Variants in HGF observed in about 807,000 individuals in gnomAD.
The protein encoded by HGF is fibroblast-derived tumor cytotoxic factor.
Under a neutral mutation model 111.6 loss-of-function variants are expected in HGF, and 39 were observed. The observed-to-expected ratio is 0.35, with a 90% CI of 0.27 to 0.46. HGF has a LOEUF of 0.46. Ranked by LOEUF, HGF falls within the 20% of genes least tolerant of loss-of-function variation. The probability of loss-of-function intolerance (pLI) is 1.00; values close to 1 mark genes in which losing one functional copy is unlikely to be tolerated. For synonymous variants in HGF, 285 were observed against 294.8 expected, an observed-to-expected ratio of 0.97 and a Z score of 0.34; for missense variants, 735 against 910.5, an observed-to-expected ratio of 0.81 and a Z score of 2.48.
At chr7:81,711,611 T>A (rs1789572129) in intron 11 of HGF, 92 bp from the exon 12 acceptor site, 2 of 582,916 alleles carry the variant, frequency 3.4e-6, no homozygotes, top group South Asian at 2.3e-5. Flanking sequence ...CAAGTATCAA[T>A]GAATTCAGTA....
intron 5 of HGF, among the ~76,000 whole-genome samples, chr7:81,748,584 C>G (rs1050706264): frequency 1.3e-5 from 2 of 152,142 alleles, no homozygotes; most frequent in Non-Finnish European, 2.9e-5. Context: ...AACGATGTAA[C>G]AGTTTATATG....
intron 9 of HGF, among the ~76,000 whole-genome samples, chr7:81,724,041 A>G: frequency 6.6e-6 from 1 of 152,122 alleles, no homozygotes. Flanking sequence ...TTCATATTCT[A>G]TTACCTGATC....
intron 5 of HGF, among the ~76,000 whole-genome samples, chr7:81,749,784 A>G (rs1310795961): frequency 2.6e-5 from 4 of 152,166 alleles, no homozygotes; most frequent in African/African-American, 9.6e-5. Flanking sequence ...AATATTAATC[A>G]TTGACTATCA....
intron 7 of HGF, among the ~76,000 whole-genome samples, chr7:81,733,870 G>A (rs1042303507): frequency 2.0e-5 from 3 of 151,990 alleles, no homozygotes; most frequent in African/African-American, 7.3e-5. Flanking sequence ...ATTATTCCTC[G>A]ATGGCAGTAA....
rs1583909402 is a variant in HGF at position 81,702,436 on chromosome 7, A to G, written c.*145T>C. 1.0e-5 allele frequency: 7 copies of G among 674,736 alleles called. No individual in the cohort carries two copies. In the East Asian group the frequency reaches 1.9e-4, roughly 18 times the overall value. The allele number at this position is 674,736 out of a possible 1,614,324, so 41.8% of individuals were successfully genotyped here. A position where few individuals can be genotyped will look rare whatever the true frequency, so the allele number is the denominator to read the frequency against. ...AAACAAAACAACAGAAAACACCCATAAACATTAATGAGAATTTCAACAAAC... is the reference window on the plus strand; with the variant it reads ...AAACAAAACAACAGAAAACACCCATGAACATTAATGAGAATTTCAACAAAC... On this transcript the variant is annotated 3_prime_UTR_variant, in exon 18 of 18. Transcript: ENST00000222390.
chr7:81,732,963 T>C (rs981601525), intron 7 of HGF, among the ~76,000 whole-genome samples: 3 of 152,298 alleles, frequency 2.0e-5, no homozygotes, highest in Admixed American at 6.5e-5. Context: ...GCATTGTTAG[T>C]GCTAATTCTC....
intron 5 of HGF, among the ~76,000 whole-genome samples, chr7:81,746,314 A>T (rs1788252328): frequency 6.6e-6 from 1 of 152,148 alleles, no homozygotes; most frequent in African/African-American, 2.4e-5. Flanking sequence ...GAGATTTTCC[A>T]GACTACACCC....
intron 5 of HGF, among the ~76,000 whole-genome samples, chr7:81,745,716 T>A (rs1210745774): frequency 6.6e-6 from 1 of 152,236 alleles, no homozygotes; most frequent in African/African-American, 2.4e-5. Flanking sequence ...TTGAATAAGC[T>A]GGGCAGGTTT....
Position 81,699,670 on chromosome 7 carries a change from T to C in HGF, c.*2911A>G, listed in dbSNP as rs1414047729. ...ACAGCAATTTCCCACTTCTTGACAG[T>C]GTTCTTTTCAAGAGAATGTTGTGGC... On this transcript the variant is annotated 3_prime_UTR_variant, in exon 18 of 18. Coordinates refer to ENST00000222390, the MANE Select transcript of HGF (RefSeq NM_000601.6). The C allele has an allele frequency of 6.6e-6, 1 of 151,686 alleles. No individual in the cohort carries two copies. The highest frequency in any genetic ancestry group is 2.4e-5 in the African/African-American group (1 of 41,406). The allele number at this position is 151,686 out of a possible 1,614,324, so 9.4% of individuals were successfully genotyped here.
Position 81,759,810 on chromosome 7 carries a change from A to T in HGF, c.255-1006T>A, listed in dbSNP as rs1278232392. The stretch of plus-strand genomic sequence containing the variant: ...TTAAAGAAAACTAGTAATATTAGAG[A>T]ATATCTTTTTGACATAACATCTTAA... On this transcript the variant is annotated intron_variant, in intron 2 of 17. Coordinates refer to ENST00000222390, the MANE Select transcript of HGF (RefSeq NM_000601.6). Among the ~76,000 whole-genome samples the T allele has an allele frequency of 3.3e-5, 5 of 152,292 alleles. No homozygotes were observed. In the East Asian group the frequency reaches 9.6e-4, roughly 29 times the overall value.
intron 11 of HGF, among the ~76,000 whole-genome samples, chr7:81,714,518 G>A (rs1441794941): frequency 6.6e-6 from 1 of 151,932 alleles, no homozygotes; most frequent in Non-Finnish European, 1.5e-5. Context: ...AAAAGTGATG[G>A]GTCTGGCATT....
At chr7:81,710,082 T>C in intron 13 of HGF, 65 bp downstream of exon 13, 6 of 1,116,074 alleles carry the variant, frequency 5.4e-6, no homozygotes, top group Non-Finnish European at 6.9e-6. Flanking sequence ...GTGTCCATAT[T>C]TCTGGGAATA....
rs777748021 is a variant in HGF at position 81,725,898 on chromosome 7, T to A, written c.1160A>T (p.His387Leu). The part of the protein sequence containing the change: ...CSQIPNCDMS[H>L]GQDCYRGNGK... ...AGAATGTCAGCTATTACCTTGTCCA[T>A]GTGACATATCACAGTTTGGAATTTG... The change falls in exon 9 of 18, where the codon CAT (histidine) becomes CTT (leucine). Residue 387 changes from histidine to leucine, a missense_variant. Around this residue, in one of 3 missense-constraint regions of HGF, gnomAD observed 553 missense variants for 685.6 expected, o/e 0.81. Transcript: ENST00000222390. 7 of 1,614,014 alleles carry A rather than the reference T, an allele frequency of 4.3e-6. No individual in the cohort carries two copies. The South Asian group carries it at 5.5e-5, about 13-fold the overall frequency.
At chr7:81,758,870 T>TGGCCGGGCGCG in intron 2 of HGF, 66 bp from the exon 3 acceptor site, 1 of 1,039,624 alleles carries the variant, frequency 9.6e-7, no homozygotes, top group Non-Finnish European at 1.5e-6. Context: ...AGAATGGGCA[T>TGGCCGGGCGCG]ATGGTTCATC....
rs893517246 is a variant in HGF at position 81,706,279 on chromosome 7, T to C, written c.1757+8A>G. 1 of 1,612,072 alleles carries C rather than the reference T, an allele frequency of 6.2e-7. No individual in the cohort carries two copies. On this transcript the variant is annotated splice_region_variant and intron_variant, in intron 15 of 17. Coordinates refer to ENST00000222390, the MANE Select transcript of HGF (RefSeq NM_000601.6). ...GTGAAAAATACAAAATCTTCTAAAG[T>C]AACTAACCTGGCAAGCTTCATTAAA...
rs1247829599 is a variant in HGF, at chr7:81,720,768, G to T, written c.1248C>A (p.Asp416Glu). Residue 416 changes from aspartate to glutamate, a missense_variant, in exon 10 of 18, where the codon GAC (aspartate) becomes GAA (glutamate). By Grantham distance (45) the Asp-to-Glu change is conservative. Transcript: ENST00000222390. ...TRSGLTCSMW[D>E]KNMEDLHRHI... The stretch of plus-strand genomic sequence containing the variant: ...ACCGATGTAAGTCTTCCATGTTCTT[G>T]TCCCACATTGAACATGTTAGTCCAG... 6.2e-7 allele frequency: 1 copy of T among 1,610,678 alleles called. No individual in the cohort carries two copies. The highest frequency in any genetic ancestry group is 1.1e-5 in the South Asian group (1 of 91,002).
chr7:81,766,431 G>A (rs779347615), intron 1 of HGF, among the ~76,000 whole-genome samples: 7 of 152,134 alleles, frequency 4.6e-5, no homozygotes, highest in Admixed American at 6.5e-5. Flanking sequence ...ACTCTCCAAA[G>A]CCAAGAATTT....
At chr7:81,756,033 A>G (rs1403979725) in intron 4 of HGF, 3 of 701,802 alleles carry the variant, frequency 4.3e-6, no homozygotes, top group Non-Finnish European at 7.8e-6. Context: ...TAGAATAAAA[A>G]GTGGATTCAA....
At chr7:81,749,069 T>C (rs1295885698) in intron 5 of HGF, among the ~76,000 whole-genome samples, 2 of 152,108 alleles carry the variant, frequency 1.3e-5, no homozygotes, top group African/African-American at 4.8e-5. Flanking sequence ...ATATAAATAG[T>C]CTCACAAATT....
Sources: allele counts gnomAD v4.1 joint callset (sites outside exome capture counted in the v4.1 genomes callset), GRCh38; gene constraint gnomAD v4.1.1; regional missense constraint gnomAD v4.1.1; transcripts MANE v1.5; gene names NCBI Gene and HGNC (gene_info 2026-07-23, HGNC 2026-07-21).